IL1RAPL2: variants seen among roughly 807,000 people sequenced by gnomAD.
The protein encoded by IL1RAPL2 is X-linked interleukin-1 receptor accessory protein-like 2.
IL1RAPL2 carries 3 observed loss-of-function variants against 44.1 expected under a neutral mutation model. That is an observed-to-expected ratio of 0.07 (90% CI 0.03 to 0.18). IL1RAPL2 has a LOEUF of 0.18. Ranked by LOEUF, IL1RAPL2 falls within the 10% of genes least tolerant of loss-of-function variation. IL1RAPL2 has a pLI of 1.00. For missense variants in IL1RAPL2, 391 were observed against 496.4 expected, an observed-to-expected ratio of 0.79 and a Z score of 2.02; for synonymous variants, 181 against 178.8, an observed-to-expected ratio of 1.01 and a Z score of -0.10.
intron 2 of IL1RAPL2, among the ~76,000 whole-genome samples, chrX:105,059,153 T>C (rs1269443152): frequency 1.8e-5 from 2 of 112,311 alleles, no homozygotes; most frequent in African/African-American, 6.5e-5. Context: ...CTTTCAGTTA[T>C]CTTAAGATGT....
At chrX:105,531,074 C>A (rs187639664) in intron 6 of IL1RAPL2, among the ~76,000 whole-genome samples, 2 of 111,731 alleles carry the variant, frequency 1.8e-5, no homozygotes, top group East Asian at 5.7e-4. Flanking sequence ...ATACTGGTTT[C>A]CTTTCTTTTG....
At chrX:104,634,018 T>C (rs370650070) in intron 1 of IL1RAPL2, among the ~76,000 whole-genome samples, 2 of 111,250 alleles carry the variant, frequency 1.8e-5, no homozygotes, top group East Asian at 2.8e-4. Flanking sequence ...GCTTTGAATG[T>C]GTCCCAGAGA....
intron 2 of IL1RAPL2, among the ~76,000 whole-genome samples, chrX:105,041,524 G>C (rs948053911): frequency 1.8e-4 from 20 of 110,165 alleles, no homozygotes; most frequent in Non-Finnish European, 3.2e-4. Context: ...ACCAAGGGAC[G>C]TGAAGGACCT....
chrX:104,735,511 T>G (rs1931996373), intron 2 of IL1RAPL2, among the ~76,000 whole-genome samples: 1 of 111,278 alleles, frequency 9.0e-6, no homozygotes, highest in African/African-American at 3.3e-5. Flanking sequence ...AGAGAGAAAT[T>G]AGAGACACAG....
intron 6 of IL1RAPL2, among the ~76,000 whole-genome samples, chrX:105,633,833 G>C (rs2037506741): frequency 9.0e-6 from 1 of 111,379 alleles, no homozygotes; most frequent in African/African-American, 3.3e-5. Context: ...TTTTGGATTT[G>C]AGCCTAGGGA....
chrX:105,398,991 A>G (rs757446024), intron 5 of IL1RAPL2, among the ~76,000 whole-genome samples: 8 of 111,865 alleles, frequency 7.2e-5, no homozygotes, highest in African/African-American at 2.6e-4. Context: ...TGTCGACCCT[A>G]TATTTAGAAA....
intron 3 of IL1RAPL2, among the ~76,000 whole-genome samples, chrX:105,212,739 A>C (rs1225273272): frequency 8.9e-6 from 1 of 112,213 alleles, no homozygotes; most frequent in Non-Finnish European, 1.9e-5. Context: ...TCCAGCTGGC[A>C]TCAGGTTGGT....
intron 6 of IL1RAPL2, among the ~76,000 whole-genome samples, chrX:105,714,112 A>C (rs1225927816): frequency 8.9e-6 from 1 of 111,770 alleles, no homozygotes; most frequent in Non-Finnish European, 1.9e-5. Flanking sequence ...CTTTATAAAA[A>C]GGATAGCCTT....
intron 2 of IL1RAPL2, among the ~76,000 whole-genome samples, chrX:104,953,009 T>C (rs1925626894): frequency 8.9e-6 from 1 of 112,352 alleles, no homozygotes; most frequent in South Asian, 3.6e-4. Flanking sequence ...TTATCAATAA[T>C]GCATTTGTTC....
chrX:104,711,336 ACTTTAC>A (rs1479389604), intron 2 of IL1RAPL2, among the ~76,000 whole-genome samples: 3 of 111,012 alleles, frequency 2.7e-5, no homozygotes, highest in African/African-American at 9.8e-5. Flanking sequence ...TTTATGTGAC[ACTTTAC>A]CTTTAAAGTT....
chrX:104,967,004 GC>G (rs1337420514), intron 2 of IL1RAPL2, among the ~76,000 whole-genome samples: 3 of 111,416 alleles, frequency 2.7e-5, no homozygotes, highest in African/African-American at 9.7e-5. Context: ...GCCAGTCTTG[GC>G]CCATAGGCTG....
intron 6 of IL1RAPL2, among the ~76,000 whole-genome samples, chrX:105,590,290 G>A (rs1390073456): frequency 9.0e-6 from 1 of 110,839 alleles, no homozygotes; most frequent in South Asian, 3.8e-4. Flanking sequence ...GAGACCATGT[G>A]GTTTTCTAAG....
chrX:105,543,413 T>C (rs2036761620), intron 6 of IL1RAPL2, among the ~76,000 whole-genome samples: 1 of 112,683 alleles, frequency 8.9e-6, no homozygotes, highest in Non-Finnish European at 1.9e-5. Flanking sequence ...CTGCTTGTTT[T>C]TCCCTATACC....
intron 2 of IL1RAPL2, among the ~76,000 whole-genome samples, chrX:105,048,766 C>T (rs933544302): frequency 6.0e-4 from 67 of 111,493 alleles, no homozygotes; most frequent in Non-Finnish European, 2.1e-4. Context: ...TCTGAACTGT[C>T]CAACACCGTC....
intron 6 of IL1RAPL2, among the ~76,000 whole-genome samples, chrX:105,642,316 C>G: frequency 8.9e-6 from 1 of 112,075 alleles, no homozygotes; most frequent in African/African-American, 3.2e-5. Flanking sequence ...TATACAGATG[C>G]AAAGAATGTA....
rs753120042 is a variant in IL1RAPL2, at chrX:105,099,492, T to C, written c.83-95983T>C. Among the ~76,000 whole-genome samples, 8 of 77,610 alleles carry C rather than the reference T, an allele frequency of 1.0e-4. No individual in the cohort carries two copies. In the East Asian group the frequency reaches 3.9e-3, roughly 37 times the overall value. The allele number at this position is 77,610 out of a possible 115,157, so 67.4% of individuals were successfully genotyped here. The stretch of plus-strand genomic sequence containing the variant: ...TTTTTTTTTTTTTTTTGAGATGGAG[T>C]CTCGCTCTGTCGCCCAGGCTGGAGT... On this transcript the variant is annotated intron_variant, in intron 2 of 10. Transcript: ENST00000372582.
chrX:104,774,024 C>A (rs1284368071), intron 2 of IL1RAPL2, among the ~76,000 whole-genome samples: 2 of 111,528 alleles, frequency 1.8e-5, no homozygotes, highest in Non-Finnish European at 3.8e-5. Flanking sequence ...CATATTCAGG[C>A]GCTTTGGCCT....
chrX:105,170,048 T>C (rs1056026333), intron 2 of IL1RAPL2, among the ~76,000 whole-genome samples: 2 of 110,629 alleles, frequency 1.8e-5, no homozygotes, highest in Admixed American at 9.7e-5. Flanking sequence ...AAAATCAATG[T>C]CATGAAGGAT....
Position 104,605,614 on chromosome X carries a change from C to T in IL1RAPL2, c.-20+38563C>T, listed in dbSNP as rs1183782409. The stretch of plus-strand genomic sequence containing the variant: ...AAAAGAGAGAAGAATCAAATAGATG[C>T]AATAAAGAGTGATATAGGGGATATC... On this transcript the variant is annotated intron_variant, in intron 1 of 10. Coordinates refer to ENST00000372582, the MANE Select transcript of IL1RAPL2 (RefSeq NM_017416.2). Among the ~76,000 whole-genome samples the T allele has an allele frequency of 3.6e-5, 4 of 111,441 alleles. No homozygotes were observed. In the Admixed American group the frequency reaches 3.8e-4, roughly 11 times the overall value.
Sources: gnomAD v4.1 joint callset for allele counts (sites outside exome capture counted in the v4.1 genomes callset) on GRCh38, gnomAD v4.1.1 for gene constraint, MANE v1.5 for transcripts, NCBI Gene and HGNC (gene_info 2026-07-23, HGNC 2026-07-21) for gene names.